Variants in SGCZ observed in about 807,000 individuals in gnomAD.
SGCZ encodes the protein sarcoglycan zeta.
A neutral mutation model predicts 41.3 loss-of-function variants in SGCZ; 40 were observed. That is an observed-to-expected ratio of 0.97 (90% CI 0.75 to 1.26). SGCZ has a LOEUF of 1.26. Among genes scored for constraint, SGCZ ranks in the 50% most tolerant of loss-of-function variants. The pLI, the probability that SGCZ is intolerant of heterozygous loss-of-function variation, is 0.00. For missense variants in SGCZ, 552 were observed against 369.8 expected (o/e 1.49, Z -4.04); for synonymous variants, 206 against 137.5 (o/e 1.50, Z -3.49).
At chr8:14,848,559 T>C (rs762868022) in intron 1 of SGCZ, among the ~76,000 whole-genome samples, 2 of 152,204 alleles carry the variant, frequency 1.3e-5, no homozygotes, top group African/African-American at 4.8e-5. Context: ...CACACACGTA[T>C]GGAAATTTCT....
chr8:15,058,037 A>G (rs1804780199), intron 1 of SGCZ, among the ~76,000 whole-genome samples: 1 of 152,188 alleles, frequency 6.6e-6, no homozygotes, highest in Non-Finnish European at 1.5e-5. Flanking sequence ...TAAAACAGTG[A>G]ATAAAAGTAA....
rs186403658 is a variant in SGCZ at position 14,119,821 on chromosome 8, G to A, written c.548-11586C>T. 5.6e-4 allele frequency among the ~76,000 whole-genome samples: 85 copies of A among 152,114 alleles called. No homozygotes were observed. The East Asian group carries it at 0.014, about 26-fold the overall frequency. On this transcript the variant is annotated intron_variant, in intron 5 of 7. Transcript: ENST00000382080. ...CTTTTCTGAATCTATTTAGATAATCGTGTGGTTTTTGTGATTGGTTCTGTT... is the reference window on the plus strand; with the variant it reads ...CTTTTCTGAATCTATTTAGATAATCATGTGGTTTTTGTGATTGGTTCTGTT...
chr8:14,235,972 C>G (rs369443402), intron 4 of SGCZ, among the ~76,000 whole-genome samples: 1 of 152,238 alleles, frequency 6.6e-6, no homozygotes, highest in African/African-American at 2.4e-5. Flanking sequence ...CATGAGCTCC[C>G]GTGCCTGACC....
intron 7 of SGCZ, among the ~76,000 whole-genome samples, chr8:14,090,891 G>A (rs774470966): frequency 5.9e-5 from 9 of 151,920 alleles, no homozygotes; most frequent in Non-Finnish European, 8.8e-5. Flanking sequence ...CATACAATAC[G>A]CTTAAGGGGC....
intron 5 of SGCZ, among the ~76,000 whole-genome samples, chr8:14,157,419 C>T (rs1330570828): frequency 6.8e-6 from 1 of 147,974 alleles, no homozygotes. Context: ...AAGCATCTCC[C>T]AACTGGCTCA....
At chr8:14,549,535 G>A (rs1226090916) in intron 2 of SGCZ, among the ~76,000 whole-genome samples, 1 of 151,998 alleles carries the variant, frequency 6.6e-6, no homozygotes. Flanking sequence ...AAAAGTCAGC[G>A]AAAAATAATG....
intron 1 of SGCZ, among the ~76,000 whole-genome samples, chr8:15,229,110 T>G (rs535999913): frequency 2.0e-5 from 3 of 152,224 alleles, no homozygotes; most frequent in Admixed American, 6.5e-5. Context: ...GAGAATCGCT[T>G]GAACCCAGGA....
intron 1 of SGCZ, among the ~76,000 whole-genome samples, chr8:14,997,826 G>T (rs1802270591): frequency 6.6e-6 from 1 of 152,122 alleles, no homozygotes; most frequent in Non-Finnish European, 1.5e-5. Flanking sequence ...CAGGCCTGAT[G>T]GCACACGCCT....
intron 2 of SGCZ, among the ~76,000 whole-genome samples, chr8:14,473,612 G>C (rs1801272009): frequency 1.3e-5 from 2 of 152,004 alleles, no homozygotes; most frequent in African/African-American, 4.8e-5. Flanking sequence ...CAAATGAATA[G>C]AACTGAAATC....
At chr8:14,184,969 A>T (rs1804856044) in intron 4 of SGCZ, among the ~76,000 whole-genome samples, 1 of 152,232 alleles carries the variant, frequency 6.6e-6, no homozygotes, top group Non-Finnish European at 1.5e-5. Flanking sequence ...TCTATCGTCT[A>T]ATATTGACTA....
At chr8:15,195,013 C>G (rs1459315017) in intron 1 of SGCZ, among the ~76,000 whole-genome samples, 1 of 152,050 alleles carries the variant, frequency 6.6e-6, no homozygotes, top group African/African-American at 2.4e-5. Context: ...AATAAAATTC[C>G]CATCTTATTA....
intron 1 of SGCZ, among the ~76,000 whole-genome samples, chr8:15,213,964 C>T (rs1297748692): frequency 6.6e-6 from 1 of 151,924 alleles, no homozygotes; most frequent in African/African-American, 2.4e-5. Context: ...TACTCTTTGA[C>T]CTTGCAGAAT....
chr8:14,453,578 T>C (rs1458576713), intron 2 of SGCZ, among the ~76,000 whole-genome samples: 1 of 152,134 alleles, frequency 6.6e-6, no homozygotes, highest in African/African-American at 2.4e-5. Flanking sequence ...GGTCCCCCAG[T>C]AAGAAAATGA....
At chr8:14,256,461 C>A (rs937673208) in intron 3 of SGCZ, among the ~76,000 whole-genome samples, 2 of 152,058 alleles carry the variant, frequency 1.3e-5, no homozygotes, top group African/African-American at 4.8e-5. Flanking sequence ...CATTTCAGCT[C>A]CTTCAGAATA....
intron 1 of SGCZ, among the ~76,000 whole-genome samples, chr8:14,702,924 G>T (rs1809209215): frequency 7.8e-6 from 1 of 128,014 alleles, no homozygotes; most frequent in Non-Finnish European, 1.7e-5. Context: ...TAGTTAGGTA[G>T]GTAGATAGAT....
chr8:14,839,273 C>A (rs1431702419), intron 1 of SGCZ, among the ~76,000 whole-genome samples: 1 of 151,998 alleles, frequency 6.6e-6, no homozygotes, highest in Non-Finnish European at 1.5e-5. Flanking sequence ...AACGATCACT[C>A]AAAGTGTTTA....
chr8:15,203,243 G>T (rs1253816080), intron 1 of SGCZ, among the ~76,000 whole-genome samples: 1 of 152,094 alleles, frequency 6.6e-6, no homozygotes, highest in African/African-American at 2.4e-5. Flanking sequence ...TTTGCTTATT[G>T]TAAGTAAATT....
At chr8:14,094,253 A>T (rs777314566) in intron 7 of SGCZ, among the ~76,000 whole-genome samples, 1 of 152,034 alleles carries the variant, frequency 6.6e-6, no homozygotes, top group Non-Finnish European at 1.5e-5. Flanking sequence ...TCAACGCATC[A>T]TCTACTTAGG....
chr8:14,963,488 G>A (rs185012142), intron 1 of SGCZ, among the ~76,000 whole-genome samples: 3 of 152,042 alleles, frequency 2.0e-5, no homozygotes, highest in East Asian at 1.9e-4. Context: ...ACAGGCGTGT[G>A]CCACCACCCT....
Sources: allele counts gnomAD v4.1 joint callset (sites outside exome capture counted in the v4.1 genomes callset), GRCh38; gene constraint gnomAD v4.1.1; transcripts MANE v1.5; gene names NCBI Gene and HGNC (gene_info 2026-07-23, HGNC 2026-07-21).